MN1: variants seen among roughly 807,000 people sequenced by gnomAD.
The protein encoded by MN1 is MN1 proto-oncogene, transcriptional regulator.
Under a neutral mutation model 86.9 loss-of-function variants are expected in MN1, and 19 were observed. The ratio of observed to expected loss-of-function variants is 0.22; its 90% CI spans 0.15 to 0.32. The LOEUF is 0.32. Among genes scored for constraint, MN1 ranks in the 10% least tolerant of loss-of-function variants. The pLI is 1.00. For missense variants in MN1, 1,841 were observed against 1,862.0 expected (o/e 0.99, Z 0.21); for synonymous variants, 928 against 849.6 (o/e 1.09, Z -1.60).
chr22:27,801,647 T>A lies in MN1; in HGVS notation c.-1104A>T. ...GGGGCGCGGGGGCAGCTCTGGGGGG[T>A]CTGCGCACCCCTCTCCCGACTAGCG... is the stretch of plus-strand genomic sequence containing the variant. On this transcript the variant is annotated 5_prime_UTR_variant, in exon 1 of 2. Transcript: ENST00000302326. 6.2e-6 allele frequency: 1 copy of A among 162,424 alleles called. No individual in the cohort carries two copies. Among genetic ancestry groups the A allele is most frequent in the Admixed American group, 6.6e-5 (1 of 15,240 alleles). 10.1% of individuals were successfully genotyped at this position (162,424 alleles called of 1,614,324 possible).
chr22:27,780,722 C>G (rs1933043274), intron 1 of MN1, among the ~76,000 whole-genome samples: 1 of 152,178 alleles, frequency 6.6e-6, no homozygotes, highest in South Asian at 2.1e-4. Flanking sequence ...ATCCCCTCTT[C>G]TAATTCTCTG....
intron 1 of MN1, among the ~76,000 whole-genome samples, chr22:27,774,823 G>T (rs1355353694): frequency 2.0e-5 from 3 of 152,142 alleles, no homozygotes; most frequent in African/African-American, 7.2e-5. Context: ...GCCAGGGGCA[G>T]CTCTGCCAGG....
At chr22:27,762,684 G>A (rs931322470) in intron 1 of MN1, among the ~76,000 whole-genome samples, 5 of 151,962 alleles carry the variant, frequency 3.3e-5, no homozygotes, top group South Asian at 4.1e-4. Flanking sequence ...CAGCATGCTC[G>A]CACAGAAACT....
chr22:27,788,713 A>G (rs1469386409), intron 1 of MN1, among the ~76,000 whole-genome samples: 1 of 151,108 alleles, frequency 6.6e-6, no homozygotes, highest in Non-Finnish European at 1.5e-5. Context: ...GTGTGCACGC[A>G]CGTGTGTACG....
rs550087537 is a variant in MN1 at position 27,796,713 on chromosome 22, G to C, written c.3781+50C>G. The C allele has an allele frequency of 4.6e-6, 7 of 1,524,718 alleles. No individual in the cohort carries two copies. The Admixed American group carries it at 7.3e-5, about 16-fold the overall frequency. 94.4% of individuals were successfully genotyped at this position (1,524,718 alleles called of 1,614,324 possible). On this transcript the variant is annotated intron_variant, in intron 1 of 1. Transcript: ENST00000302326. The stretch of plus-strand genomic sequence containing the variant: ...AGGCGAAGGCTAAGTCCTGCCCTGG[G>C]GATGGGGCGGGTCACCCGGGAAGTG...
intron 1 of MN1, among the ~76,000 whole-genome samples, chr22:27,763,895 G>C (rs1932850633): frequency 6.6e-6 from 1 of 152,216 alleles, no homozygotes; most frequent in Non-Finnish European, 1.5e-5. Context: ...TGGGGATCCT[G>C]GAAGACTTCA....
At chr22:27,786,148 T>A (rs958803920) in intron 1 of MN1, among the ~76,000 whole-genome samples, 1 of 152,224 alleles carries the variant, frequency 6.6e-6, no homozygotes, top group Non-Finnish European at 1.5e-5. Context: ...ACCCTGGCAT[T>A]TTGATGGTTG....
chr22:27,770,483 C>A (rs1419590496), intron 1 of MN1, among the ~76,000 whole-genome samples: 2 of 152,150 alleles, frequency 1.3e-5, no homozygotes, highest in African/African-American at 4.8e-5. Context: ...TGCCTTGTCC[C>A]AGCTGTGTGA....
intron 1 of MN1, among the ~76,000 whole-genome samples, chr22:27,785,812 G>A (rs965960163): frequency 4.7e-5 from 7 of 148,158 alleles, no homozygotes; most frequent in Admixed American, 6.7e-5. Flanking sequence ...AAGATTTAGT[G>A]GTCTTGCCTG....
At chr22:27,779,660 T>C (rs1468253756) in intron 1 of MN1, among the ~76,000 whole-genome samples, 2 of 152,182 alleles carry the variant, frequency 1.3e-5, no homozygotes, top group African/African-American at 4.8e-5. Context: ...GGGCTTGGCA[T>C]GATGGGTGTT....
At chr22:27,792,317 C>CATATAT (rs36207111) in intron 1 of MN1, among the ~76,000 whole-genome samples, 4,151 of 113,666 alleles carry the variant, frequency 0.037, 107 homozygotes, top group Middle Eastern at 0.075. Flanking sequence ...ATAAAAATTG[C>CATATAT]ATATATATAT....
Position 27,798,345 on chromosome 22 carries a change from C to T in MN1, c.2199G>A (p.Pro733=). The T allele has an allele frequency of 6.6e-7, 1 of 1,508,774 alleles. No individual in the cohort carries two copies. The highest frequency in any genetic ancestry group is 1.2e-5 in the South Asian group (1 of 81,006). 93.5% of individuals were successfully genotyped at this position (1,508,774 alleles called of 1,614,324 possible). ...CCCCGAGCGCAGACGTAGCAAAGTC[C>T]GGCGGCGGGGGCCGGCGCTCCGAAG... The part of the protein sequence containing the change: ...SAASERRPPP[P]DFATSALGGQ... The change falls in exon 1 of 2, where the codon CCG becomes CCA. Residue 733 remains proline (P), a synonymous_variant. Coordinates refer to ENST00000302326, the MANE Select transcript of MN1 (RefSeq NM_002430.3).
Position 27,800,756 on chromosome 22 carries a change from C to T in MN1, c.-213G>A. On this transcript the variant is annotated 5_prime_UTR_variant, in exon 1 of 2. Coordinates refer to ENST00000302326, the MANE Select transcript of MN1 (RefSeq NM_002430.3). Reference sequence around the variant, plus strand: ...AAGCTCCGATTCTGCCCGGGGAGGGCCTCTCACATCTTGCGAGGCCGCGGG... The same window carrying T: ...AAGCTCCGATTCTGCCCGGGGAGGGTCTCTCACATCTTGCGAGGCCGCGGG... 1 of 628,030 alleles carries T rather than the reference C, an allele frequency of 1.6e-6. No homozygotes were observed. The highest frequency in any genetic ancestry group is 2.0e-5 in the South Asian group (1 of 50,874). The allele number at this position is 628,030 out of a possible 1,614,324, so 38.9% of individuals were successfully genotyped here.
intron 1 of MN1, among the ~76,000 whole-genome samples, chr22:27,774,064 T>C (rs1292695579): frequency 6.6e-6 from 1 of 152,174 alleles, no homozygotes; most frequent in Non-Finnish European, 1.5e-5. Context: ...AACCTGCAGC[T>C]GCCAAATGCT....
intron 1 of MN1, among the ~76,000 whole-genome samples, chr22:27,794,932 C>T (rs558492414): frequency 6.6e-6 from 1 of 150,920 alleles, no homozygotes; most frequent in East Asian, 2.0e-4. Flanking sequence ...CCAGGCCAGG[C>T]CAGGTAGAAG....
intron 1 of MN1, among the ~76,000 whole-genome samples, chr22:27,776,157 T>A (rs1023739883): frequency 2.6e-5 from 4 of 152,016 alleles, no homozygotes; most frequent in Non-Finnish European, 4.4e-5. Flanking sequence ...ACCACTAAAT[T>A]TTCTGATTAA....
intron 1 of MN1, among the ~76,000 whole-genome samples, chr22:27,756,007 G>C (rs1349714853): frequency 2.0e-5 from 3 of 152,242 alleles, no homozygotes; most frequent in African/African-American, 7.2e-5. Context: ...GGAGAATTAA[G>C]TGAAATGATC....
chr22:27,776,080 G>C (rs1932975177), intron 1 of MN1, among the ~76,000 whole-genome samples: 1 of 152,236 alleles, frequency 6.6e-6, no homozygotes, highest in Non-Finnish European at 1.5e-5. Flanking sequence ...TTAAGACCTA[G>C]AAGGGAGGCA....
At position 27,799,156 on chromosome 22, in the gene MN1, C is replaced by T; in HGVS notation, c.1388G>A (p.Gly463Asp). Residue 463 changes from glycine (G) to aspartate (D), a missense_variant, in exon 1 of 2, where the codon GGC becomes GAC. Physicochemically the swap from Gly to Asp is moderately conservative, Grantham distance 94. Transcript: ENST00000302326. ...AGCGCAGCGGTCCACTCCCGCGCTG[C>T]CCGGAAAGTCGAAGCGCGGCCTCTT... ...VAKRPRFDFP[G>D]SAGVDRCASW... 6.2e-7 allele frequency: 1 copy of T among 1,606,294 alleles called. No homozygotes were observed. The highest frequency in any genetic ancestry group is 1.1e-5 in the South Asian group (1 of 90,778).
Sources: gnomAD v4.1 joint callset for allele counts (sites outside exome capture counted in the v4.1 genomes callset) on GRCh38, gnomAD v4.1.1 for gene constraint, MANE v1.5 for transcripts, NCBI Gene and HGNC (gene_info 2026-07-23, HGNC 2026-07-21) for gene names.